The following PCDHA13 variants were observed in gnomAD, a reference collection of about 807,000 sequenced individuals.
The protein encoded by PCDHA13 is protocadherin alpha-13.
A neutral mutation model predicts 64.8 loss-of-function variants in PCDHA13; 54 were observed. That is an observed-to-expected ratio of 0.83 (90% CI 0.67 to 1.04). PCDHA13 has a LOEUF of 1.04. PCDHA13 is among the 50% of genes least tolerant of loss of function. The pLI is 0.00. For missense variants in PCDHA13, 1,248 were observed against 1,254.3 expected, an observed-to-expected ratio of 0.99 and a Z score of 0.08; for synonymous variants, 587 against 564.4, an observed-to-expected ratio of 1.04 and a Z score of -0.57.
intron 1 of PCDHA13, among the ~76,000 whole-genome samples, chr5:140,896,511 C>T (rs1344026446): frequency 6.6e-6 from 1 of 151,744 alleles, no homozygotes; most frequent in Non-Finnish European, 1.5e-5. Context: ...TGTGCAGGCA[C>T]ACACCACAAA....
intron 1 of PCDHA13, among the ~76,000 whole-genome samples, chr5:140,953,230 A>G (rs782703084): frequency 2.0e-5 from 3 of 152,180 alleles, no homozygotes; most frequent in Non-Finnish European, 4.4e-5. Context: ...TCTGCTTGGT[A>G]GCAGTTCAAA....
intron 1 of PCDHA13, among the ~76,000 whole-genome samples, chr5:140,951,868 G>A (rs1325001328): frequency 2.6e-5 from 4 of 152,132 alleles, no homozygotes; most frequent in African/African-American, 9.7e-5. Flanking sequence ...AGTCTCATCT[G>A]AGACAAGGCA....
intron 3 of PCDHA13, among the ~76,000 whole-genome samples, chr5:140,987,129 G>A (rs1281954011): frequency 1.3e-5 from 2 of 151,758 alleles, no homozygotes; most frequent in African/African-American, 4.8e-5. Flanking sequence ...CAGGAGAATT[G>A]CTTGAACTCG....
At chr5:140,956,953 CTG>C (rs1217178036) in intron 1 of PCDHA13, among the ~76,000 whole-genome samples, 2 of 135,202 alleles carry the variant, frequency 1.5e-5, no homozygotes, top group African/African-American at 2.6e-5. Flanking sequence ...CATTAAAACA[CTG>C]TAATTAATCA....
intron 1 of PCDHA13, chr5:140,967,804 A>G (rs1168632160): frequency 6.2e-7 from 1 of 1,614,090 alleles, no homozygotes; most frequent in Admixed American, 1.7e-5. Flanking sequence ...TGCCCATGGC[A>G]GGTCACTGCA....
At chr5:140,974,731 C>T (rs2096638633) in intron 1 of PCDHA13, among the ~76,000 whole-genome samples, 1 of 152,140 alleles carries the variant, frequency 6.6e-6, no homozygotes, top group Non-Finnish European at 1.5e-5. Context: ...GAACTCCTGT[C>T]TCCACCTTGG....
intron 1 of PCDHA13, among the ~76,000 whole-genome samples, chr5:140,905,949 A>T (rs897929607): frequency 2.0e-5 from 3 of 152,242 alleles, no homozygotes; most frequent in African/African-American, 7.2e-5. Context: ...TTGGAATCCG[A>T]TGTTCAAGGG....
Position 140,883,525 on chromosome 5 carries a change from A to G in PCDHA13, c.1257A>G (p.Ser419=). ...GCGCCCTGGACCGCGAGAGCGTATCAGCCTATGAACTGGTGGTGACCGCGC... is the reference window on the plus strand; with the variant it reads ...GCGCCCTGGACCGCGAGAGCGTATCGGCCTATGAACTGGTGGTGACCGCGC... ...LDSALDRESV[S]AYELVVTARD... The change falls in exon 1 of 4, where the codon TCA becomes TCG. Residue 419 remains serine (S), a synonymous_variant. Transcript: ENST00000289272. 1 of 1,614,220 alleles carries G rather than the reference A, an allele frequency of 6.2e-7. No homozygotes were observed. Among genetic ancestry groups the G allele is most frequent in the Middle Eastern group, 1.7e-4 (1 of 6,052 alleles).
At chr5:140,927,494 T>C (rs1235909927) in intron 1 of PCDHA13, 5 of 1,614,018 alleles carry the variant, frequency 3.1e-6, no homozygotes, top group Non-Finnish European at 4.2e-6. Context: ...ACCCACCTGC[T>C]GGTGCTTACA....
At chr5:140,915,189 C>T (rs782151020) in intron 1 of PCDHA13, among the ~76,000 whole-genome samples, 21 of 152,010 alleles carry the variant, frequency 1.4e-4, no homozygotes, top group African/African-American at 4.1e-4. Context: ...CCTAGTGATC[C>T]GCCCATCTTG....
At chr5:140,978,913 T>C in intron 1 of PCDHA13, 36 bp from the exon 2 acceptor site, 1 of 1,613,902 alleles carries the variant, frequency 6.2e-7, no homozygotes, top group Non-Finnish European at 8.5e-7. Flanking sequence ...CATTGTCTTG[T>C]CATTTTAACA....
At chr5:140,998,738 A>G (rs1163158052) in intron 3 of PCDHA13, among the ~76,000 whole-genome samples, 1 of 151,972 alleles carries the variant, frequency 6.6e-6, no homozygotes, top group Non-Finnish European at 1.5e-5. Context: ...CTAATTTTGT[A>G]TTTTTAGAAG....
At chr5:140,887,062 C>A (rs1183265871) in intron 1 of PCDHA13, among the ~76,000 whole-genome samples, 2 of 151,718 alleles carry the variant, frequency 1.3e-5, no homozygotes, top group African/African-American at 4.8e-5. Flanking sequence ...GTTCTGGCAA[C>A]AAATTCACTC....
At chr5:140,911,775 C>T (rs1341124275) in intron 1 of PCDHA13, among the ~76,000 whole-genome samples, 1 of 152,096 alleles carries the variant, frequency 6.6e-6, no homozygotes, top group African/African-American at 2.4e-5. Context: ...AAGTACAGTC[C>T]TTAGCATTTT....
At chr5:140,911,037 C>A (rs1432446373) in intron 1 of PCDHA13, among the ~76,000 whole-genome samples, 3 of 152,012 alleles carry the variant, frequency 2.0e-5, no homozygotes, top group Non-Finnish European at 4.4e-5. Context: ...GGTCTAGAAG[C>A]AAACAGGGGT....
At chr5:140,888,673 A>T (rs571585641) in intron 1 of PCDHA13, among the ~76,000 whole-genome samples, 1 of 152,298 alleles carries the variant, frequency 6.6e-6, no homozygotes, top group Admixed American at 6.5e-5. Context: ...TGCCCTGTGC[A>T]TTAAGAGGTC....
intron 1 of PCDHA13, chr5:140,966,896 C>G (rs910624863): frequency 6.3e-6 from 10 of 1,596,816 alleles, no homozygotes; most frequent in Non-Finnish European, 8.5e-6. Flanking sequence ...GGCCTCCCAG[C>G]TGCGATACTC....
chr5:140,951,773 A>T (rs1554220071), intron 1 of PCDHA13, among the ~76,000 whole-genome samples: 1 of 152,198 alleles, frequency 6.6e-6, no homozygotes, highest in East Asian at 1.9e-4. Context: ...TGACGTTCTT[A>T]CATTGCAAAA....
At chr5:140,968,017 C>T (rs782195997) in intron 1 of PCDHA13, 2 of 1,614,216 alleles carry the variant, frequency 1.2e-6, no homozygotes, top group East Asian at 2.2e-5. Context: ...GCTTTGGAAA[C>T]TCCTATACAC....
Sources: gnomAD v4.1 joint callset for allele counts (sites outside exome capture counted in the v4.1 genomes callset) on GRCh38, gnomAD v4.1.1 for gene constraint, MANE v1.5 for transcripts, NCBI Gene and HGNC (gene_info 2026-07-23, HGNC 2026-07-21) for gene names.